Variants in TRPC7 observed in about 807,000 individuals in gnomAD.
The protein encoded by TRPC7 is transient receptor potential cation channel subfamily C member 7, also known as short transient receptor potential channel 7.
TRPC7 carries 42 observed loss-of-function variants against 90.1 expected under a neutral mutation model. That is an observed-to-expected ratio of 0.47 (90% CI 0.36 to 0.60). The LOEUF (loss-of-function observed/expected upper bound fraction) is 0.60, where lower values mean the gene tolerates loss of function less well. Among genes scored for constraint, TRPC7 ranks in the 20% least tolerant of loss-of-function variants. The pLI, the probability that TRPC7 is intolerant of heterozygous loss-of-function variation, is 0.00. For synonymous variants in TRPC7, 451 were observed against 436.3 expected, an observed-to-expected ratio of 1.03 and a Z score of -0.42; for missense variants, 955 against 1,112.3, an observed-to-expected ratio of 0.86 and a Z score of 2.01.
intron 3 of TRPC7, among the ~76,000 whole-genome samples, chr5:136,280,870 G>A (rs1032990944): frequency 1.3e-5 from 2 of 152,136 alleles, no homozygotes; most frequent in African/African-American, 4.8e-5. Flanking sequence ...GTTCTTTAAG[G>A]TGGGGTTGGT....
chr5:136,219,124 C>T (rs1327730156), intron 10 of TRPC7, among the ~76,000 whole-genome samples: 3 of 152,134 alleles, frequency 2.0e-5, no homozygotes, highest in African/African-American at 7.2e-5. Flanking sequence ...CAGGGGGAAG[C>T]CTCACTAGAT....
At chr5:136,323,297 C>T (rs1329503760) in intron 2 of TRPC7, among the ~76,000 whole-genome samples, 1 of 152,146 alleles carries the variant, frequency 6.6e-6, no homozygotes, top group Non-Finnish European at 1.5e-5. Context: ...TCATAAATTG[C>T]CCACTCTTGG....
chr5:136,313,396 T>C (rs1356804326), intron 3 of TRPC7, among the ~76,000 whole-genome samples: 1 of 152,124 alleles, frequency 6.6e-6, no homozygotes, highest in African/African-American at 2.4e-5. Flanking sequence ...TCTATCTATC[T>C]ATCTATCTAT....
chr5:136,217,045 G>C (rs1755289926), intron 10 of TRPC7, among the ~76,000 whole-genome samples: 1 of 152,196 alleles, frequency 6.6e-6, no homozygotes, highest in Non-Finnish European at 1.5e-5. Context: ...GGTGAACTTT[G>C]GATTTTGCCA....
rs1755149208 is a variant in TRPC7 at position 136,213,199 on chromosome 5, C to A, written c.*236G>T. 2 of 526,212 alleles carry A rather than the reference C, an allele frequency of 3.8e-6. No individual in the cohort carries two copies. The highest frequency in any genetic ancestry group is 6.8e-6 in the Non-Finnish European group (2 of 294,488). 32.6% of individuals were successfully genotyped at this position (526,212 alleles called of 1,614,324 possible). A position where few individuals can be genotyped will look rare whatever the true frequency, so the allele number is the denominator to read the frequency against. On this transcript the variant is annotated 3_prime_UTR_variant, in exon 12 of 12. Transcript: ENST00000513104. ...GTCTCACACTCGTCAGGGGGCTGTTCCTCCCCTCCTCCCATGGTAGCTTTT... is the reference window on the plus strand; with the variant it reads ...GTCTCACACTCGTCAGGGGGCTGTTACTCCCCTCCTCCCATGGTAGCTTTT...
chr5:136,275,027 T>C (rs1039208545), intron 3 of TRPC7, among the ~76,000 whole-genome samples, 190 bp from the exon 4 acceptor site: 2 of 152,056 alleles, frequency 1.3e-5, no homozygotes, highest in African/African-American at 4.8e-5. Context: ...CTAAGGAACT[T>C]TGTGCTGTGG....
At chr5:136,295,710 G>A (rs1758143970) in intron 3 of TRPC7, among the ~76,000 whole-genome samples, 1 of 152,142 alleles carries the variant, frequency 6.6e-6, no homozygotes, top group African/African-American at 2.4e-5. Flanking sequence ...CCTAATCTCT[G>A]CAATCTCTGT....
chr5:136,342,060 T>C (rs112192314), intron 2 of TRPC7, among the ~76,000 whole-genome samples: 2,229 of 152,336 alleles, frequency 0.015, 35 homozygotes, highest in Non-Finnish European at 0.021. Context: ...AATTTATTCA[T>C]GCCTTGTTGG....
intron 3 of TRPC7, 141 bp downstream of exon 3, chr5:136,315,456 G>T: frequency 2.2e-6 from 2 of 892,186 alleles, no homozygotes; most frequent in South Asian, 1.8e-5. Context: ...GAAGCTGACA[G>T]CTAGCTCCCT....
intron 5 of TRPC7, among the ~76,000 whole-genome samples, chr5:136,252,273 C>A (rs956668641): frequency 5.9e-5 from 9 of 152,008 alleles, no homozygotes; most frequent in African/African-American, 1.2e-4. Context: ...TCTGAAGGTC[C>A]CCCCACTCCA....
intron 2 of TRPC7, among the ~76,000 whole-genome samples, chr5:136,322,795 A>G (rs532058941): frequency 4.6e-5 from 7 of 152,284 alleles, no homozygotes; most frequent in Admixed American, 3.9e-4. Flanking sequence ...GATAAAGTTT[A>G]TATTAAAATC....
At chr5:136,282,419 TCA>T (rs1477797899) in intron 3 of TRPC7, among the ~76,000 whole-genome samples, 1 of 152,210 alleles carries the variant, frequency 6.6e-6, no homozygotes, top group Non-Finnish European at 1.5e-5. Flanking sequence ...CTTCTCAAAA[TCA>T]CATTTTGTAT....
intron 2 of TRPC7, among the ~76,000 whole-genome samples, chr5:136,318,931 T>C (rs1484376622): frequency 6.6e-6 from 1 of 152,144 alleles, no homozygotes; most frequent in Non-Finnish European, 1.5e-5. Flanking sequence ...TGTCCTTCTT[T>C]TATTCCAATG....
chr5:136,264,742 A>G (rs1286646433), intron 5 of TRPC7, among the ~76,000 whole-genome samples: 1 of 152,018 alleles, frequency 6.6e-6, no homozygotes, highest in Non-Finnish European at 1.5e-5. Context: ...ACAGGCGCAC[A>G]CCACCATGCC....
chr5:136,256,061 C>T (rs13436613), intron 5 of TRPC7, among the ~76,000 whole-genome samples: 2,965 of 152,302 alleles, frequency 0.019, 98 homozygotes, highest in African/African-American at 0.066. Context: ...GAGGGATTCA[C>T]GTGGTAAAAG....
At chr5:136,242,224 A>G (rs1410263134) in intron 7 of TRPC7, among the ~76,000 whole-genome samples, 1 of 151,992 alleles carries the variant, frequency 6.6e-6, no homozygotes, top group Non-Finnish European at 1.5e-5. Flanking sequence ...TCGATTTTGT[A>G]CTCTGAGAGC....
intron 2 of TRPC7, among the ~76,000 whole-genome samples, chr5:136,339,641 A>C (rs1759780626): frequency 6.6e-6 from 1 of 152,150 alleles, no homozygotes; most frequent in South Asian, 2.1e-4. Flanking sequence ...CCCCACCCAG[A>C]AATGGACTCA....
At chr5:136,225,889 T>C (rs1206457477) in intron 9 of TRPC7, 145 bp downstream of exon 9, 1 of 663,724 alleles carries the variant, frequency 1.5e-6, no homozygotes, top group Non-Finnish European at 2.6e-6. Context: ...TGTGTCCAGG[T>C]AGACTCTACA....
intron 2 of TRPC7, among the ~76,000 whole-genome samples, chr5:136,338,579 A>G (rs757564566): frequency 2.0e-5 from 3 of 152,242 alleles, no homozygotes; most frequent in Non-Finnish European, 4.4e-5. Context: ...GTTTATCCCT[A>G]TACTATGTTT....
Sources: allele counts gnomAD v4.1 joint callset (sites outside exome capture counted in the v4.1 genomes callset), GRCh38; gene constraint gnomAD v4.1.1; transcripts MANE v1.5; gene names NCBI Gene and HGNC (gene_info 2026-07-23, HGNC 2026-07-21).